Variants in KCNH5 observed in about 807,000 individuals in gnomAD.
The protein encoded by KCNH5 is voltage-gated delayed rectifier potassium channel KCNH5.
In KCNH5, 46 loss-of-function variants were observed where a neutral mutation model predicts 96.1. The observed-to-expected ratio is 0.48, with a 90% CI of 0.38 to 0.61. The LOEUF is 0.61. KCNH5 is among the 20% of genes least tolerant of loss of function. The pLI, the probability that KCNH5 is intolerant of heterozygous loss-of-function variation, is 0.00. For synonymous variants in KCNH5, 439 were observed against 449.8 expected, an observed-to-expected ratio of 0.98 and a Z score of 0.30; for missense variants, 907 against 1,225.8, an observed-to-expected ratio of 0.74 and a Z score of 3.88.
At chr14:62,859,304 T>C (rs1188279158) in intron 7 of KCNH5, among the ~76,000 whole-genome samples, 5 of 152,194 alleles carry the variant, frequency 3.3e-5, no homozygotes, top group Non-Finnish European at 5.9e-5. Context: ...AGATCAGCCT[T>C]GGTGAGTGGA....
Position 63,016,940 on chromosome 14 carries a change from G to A in KCNH5, c.88C>T (p.Leu30=). The A allele has an allele frequency of 1.2e-6, 2 of 1,603,316 alleles. No individual in the cohort carries two copies. Among genetic ancestry groups the A allele is most frequent in the Non-Finnish European group, 1.7e-6 (2 of 1,175,820 alleles). ...CAATCCACAATCTGGGCATTTCCCA[G>A]TAAGAAACTTGATTCTGAAGAAGAA... ...VRRSSESSFL[L]GNAQIVDWPV... is the part of the protein sequence containing the mutation. The change falls in exon 2 of 11, where the codon CTG becomes TTG. Residue 30 remains leucine (L), a synonymous_variant. Transcript: ENST00000322893.
At chr14:62,889,265 A>G (rs1040248248) in intron 7 of KCNH5, among the ~76,000 whole-genome samples, 34 of 152,252 alleles carry the variant, frequency 2.2e-4, no homozygotes, top group African/African-American at 7.5e-4. Context: ...ATTGAGAGTC[A>G]GCTACCTGCC....
intron 6 of KCNH5, among the ~76,000 whole-genome samples, chr14:62,951,349 T>C (rs898016886): frequency 2.0e-5 from 3 of 152,194 alleles, no homozygotes; most frequent in Admixed American, 2.0e-4. Context: ...GAAAGTCCCA[T>C]AGTTACTTTT....
At chr14:62,958,700 T>A (rs1890151549) in intron 6 of KCNH5, among the ~76,000 whole-genome samples, 1 of 152,146 alleles carries the variant, frequency 6.6e-6, no homozygotes. Flanking sequence ...TGTCTCTTCA[T>A]TATGCCCACT....
Position 62,701,534 on chromosome 14 carries a change from G to A in KCNH5, c.*5974C>T, listed in dbSNP as rs1884347865. 1 of 152,124 alleles carries A rather than the reference G, an allele frequency of 6.6e-6. No homozygotes were observed. The highest frequency in any genetic ancestry group is 2.4e-5 in the African/African-American group (1 of 41,450). 9.4% of individuals were successfully genotyped at this position (152,124 alleles called of 1,614,324 possible). Reference sequence around the variant, plus strand: ...AATGTAAAAGCCAGGATGGAAGTGAGCTGACTATAAAAAGCTTTGGATGGT... The same window carrying A: ...AATGTAAAAGCCAGGATGGAAGTGAACTGACTATAAAAAGCTTTGGATGGT... On this transcript the variant is annotated 3_prime_UTR_variant, in exon 11 of 11. Transcript: ENST00000322893.
rs558138901 is a variant in KCNH5, at chr14:62,702,087, T to A, written c.*5421A>T. ...AAATCCTGAATGACTCTTGCTTTCC[T>A]TAACCATTAGGCATTACCTCTTTAG... On this transcript the variant is annotated 3_prime_UTR_variant, in exon 11 of 11. Transcript: ENST00000322893. The A allele has an allele frequency of 6.6e-6, 1 of 152,266 alleles. No individual in the cohort carries two copies. Among genetic ancestry groups the A allele is most frequent in the African/African-American group, 2.4e-5 (1 of 41,584 alleles). The allele number at this position is 152,266 out of a possible 1,614,324, so 9.4% of individuals were successfully genotyped here. A position where few individuals can be genotyped will look rare whatever the true frequency, so the allele number is the denominator to read the frequency against.
chr14:62,829,254 A>G (rs1887291176), intron 8 of KCNH5, among the ~76,000 whole-genome samples: 1 of 152,036 alleles, frequency 6.6e-6, no homozygotes, highest in Non-Finnish European at 1.5e-5. Context: ...TGGATCTACC[A>G]TTCTGGGGTC....
chr14:62,953,486 C>T (rs925224481), intron 6 of KCNH5, among the ~76,000 whole-genome samples: 2 of 152,112 alleles, frequency 1.3e-5, no homozygotes, highest in Non-Finnish European at 2.9e-5. Context: ...GTCTGCCGTG[C>T]GTTTCCTCTT....
chr14:62,940,366 C>T (rs1049326064), intron 7 of KCNH5, among the ~76,000 whole-genome samples: 3 of 152,124 alleles, frequency 2.0e-5, no homozygotes, highest in African/African-American at 7.2e-5. Flanking sequence ...CTATACTGTC[C>T]TCCATATATT....
chr14:63,022,444 TTTTG>T (rs113415553), intron 1 of KCNH5, among the ~76,000 whole-genome samples: 3,938 of 152,032 alleles, frequency 0.026, 48 homozygotes, highest in Middle Eastern at 0.058. Context: ...CAAACGAGTT[TTTTG>T]TTTGTTTGTT....
chr14:62,716,477 G>C (rs1371250136), intron 10 of KCNH5, among the ~76,000 whole-genome samples: 1 of 152,054 alleles, frequency 6.6e-6, no homozygotes, highest in South Asian at 2.1e-4. Context: ...CTCCTCACTT[G>C]GCCTCCACAC....
chr14:62,830,758 G>A (rs1157964421), intron 8 of KCNH5, among the ~76,000 whole-genome samples: 1 of 152,072 alleles, frequency 6.6e-6, no homozygotes. Context: ...CCTCTGTGTG[G>A]CAGAAAAGGA....
chr14:62,970,869 C>G (rs1890393895), intron 6 of KCNH5, among the ~76,000 whole-genome samples: 2 of 142,454 alleles, frequency 1.4e-5, no homozygotes, highest in African/African-American at 5.1e-5. Flanking sequence ...AGAACATCTA[C>G]CAAAAAAAAG....
intron 4 of KCNH5, among the ~76,000 whole-genome samples, chr14:62,999,098 G>A (rs951100634): frequency 2.6e-5 from 4 of 152,116 alleles, no homozygotes; most frequent in African/African-American, 9.7e-5. Flanking sequence ...CTAGATCCCG[G>A]AGGAATCGCC....
intron 10 of KCNH5, among the ~76,000 whole-genome samples, chr14:62,710,386 G>A (rs1884542530): frequency 6.6e-6 from 1 of 152,196 alleles, no homozygotes; most frequent in African/African-American, 2.4e-5. Flanking sequence ...AGCTCCAGCA[G>A]TTTAATTAGA....
At chr14:63,001,553 A>G in intron 3 of KCNH5, 94 bp from the exon 4 acceptor site, 4 of 1,185,134 alleles carry the variant, frequency 3.4e-6, no homozygotes, top group Non-Finnish European at 4.7e-6. Context: ...TTCAGCTGCC[A>G]ACAGCTGTGC....
intron 10 of KCNH5, among the ~76,000 whole-genome samples, chr14:62,779,319 T>G (rs1162874329): frequency 6.6e-6 from 1 of 152,170 alleles, no homozygotes; most frequent in Non-Finnish European, 1.5e-5. Flanking sequence ...AAATGAGAAG[T>G]GCCTAAAGAG....
At chr14:62,751,721 C>T (rs2139945563) in intron 10 of KCNH5, among the ~76,000 whole-genome samples, 1 of 152,356 alleles carries the variant, frequency 6.6e-6, no homozygotes, top group Admixed American at 6.5e-5. Context: ...AGGATAGAGC[C>T]AAGAGCTGCA....
intron 10 of KCNH5, among the ~76,000 whole-genome samples, chr14:62,728,076 T>A (rs968103075): frequency 6.6e-6 from 1 of 151,366 alleles, no homozygotes; most frequent in African/African-American, 2.4e-5. Flanking sequence ...AGTTTCTTGC[T>A]CCACTTTAAA....
Sources: gnomAD v4.1 joint callset for allele counts (sites outside exome capture counted in the v4.1 genomes callset) on GRCh38, gnomAD v4.1.1 for gene constraint, MANE v1.5 for transcripts, NCBI Gene and HGNC (gene_info 2026-07-23, HGNC 2026-07-21) for gene names.